The following SH2D3C variants were observed in gnomAD, a reference collection of about 807,000 sequenced individuals.
SH2D3C encodes SH2 domain containing 3C, also known as SH2 domain-containing protein 3C.
SH2D3C carries 25 observed loss-of-function variants against 75.2 expected under a neutral mutation model. The ratio of observed to expected loss-of-function variants is 0.33; its 90% confidence interval spans 0.24 to 0.46. SH2D3C has a LOEUF of 0.46. Ranked by LOEUF, SH2D3C falls within the 20% of genes least tolerant of loss-of-function variation. SH2D3C has a pLI of 1.00. For missense variants in SH2D3C, 933 were observed against 1,165.3 expected, an observed-to-expected ratio of 0.80 and a Z score of 2.90; for synonymous variants, 450 against 473.7, an observed-to-expected ratio of 0.95 and a Z score of 0.65.
At chr9:127,745,208 G>A (rs949467044) in intron 6 of SH2D3C, 109 bp from the exon 7 acceptor site, 2 of 904,532 alleles carry the variant, frequency 2.2e-6, no homozygotes, top group Non-Finnish European at 3.1e-6. Context: ...AGGGAGTACA[G>A]AGGTGATGTC....
At position 127,754,548 on chromosome 9, in the gene SH2D3C, G is replaced by C. The variant is rs1415965638; in HGVS notation, c.556-3248C>G. Among the ~76,000 whole-genome samples, 1 of 152,182 alleles carries C rather than the reference G, an allele frequency of 6.6e-6. No homozygotes were observed. The highest frequency in any genetic ancestry group is 1.5e-5 in the Non-Finnish European group (1 of 68,008). On this transcript the variant is annotated intron_variant, in intron 3 of 11. Transcript: ENST00000314830. This position sits in a 1 kb window ranked among gnomAD's most constrained non-coding sequence, Gnocchi z 4.4. Reference sequence around the variant, plus strand: ...CGTCCTGCACTGCCCGGCCAGCTGGGCTGGGAGAGACCCGCGCCCCAGGCA... The same window carrying C: ...CGTCCTGCACTGCCCGGCCAGCTGGCCTGGGAGAGACCCGCGCCCCAGGCA...
intron 2 of SH2D3C, among the ~76,000 whole-genome samples, chr9:127,773,217 T>G (rs1180522258): frequency 1.3e-5 from 2 of 152,186 alleles, no homozygotes; most frequent in East Asian, 3.8e-4. Context: ...ATTTGTATTT[T>G]TACATGAACT....
In SH2D3C at chr9:127,741,872, G is replaced by A. The variant is rs373949529; in HGVS notation, c.2004C>T (p.Thr668=). ...CCCGCAGCTCGGCCGCCAGCTGAAT[G>A]GTCTTGTGCAGCAGCGCTGCCCGCT... ...AEERAALLHK[T]IQLAAELRGT... Residue 668 remains threonine (T), a synonymous_variant, in exon 9 of 12, where the codon ACC becomes ACT. Transcript: ENST00000314830. The A allele has an allele frequency of 1.2e-6, 2 of 1,613,316 alleles. No individual in the cohort carries two copies. The highest frequency in any genetic ancestry group is 1.7e-6 in the Non-Finnish European group (2 of 1,180,016).
At chr9:127,771,408 T>C in intron 2 of SH2D3C, 1 of 1,295,632 alleles carries the variant, frequency 7.7e-7, no homozygotes, top group Non-Finnish European at 9.8e-7. Flanking sequence ...CACCGCCTAC[T>C]CCACCGGCAG....
In SH2D3C at chr9:127,751,343, CCTT is replaced by C. The variant is rs745342610; in HGVS notation, c.556-46_556-44del. On this transcript the variant is annotated intron_variant, in intron 3 of 11. Transcript: ENST00000314830. This position sits in a 1 kb window ranked among gnomAD's most constrained non-coding sequence, Gnocchi z 4.1. Reference sequence around the variant, plus strand: ...AGAGTTGGCATCCAACTTAAAGTCTCCTTCTTCTTTCCCTCCCAACTTCATTCT... The same window carrying C: ...AGAGTTGGCATCCAACTTAAAGTCTCCTTCTTTCCCTCCCAACTTCATTCT... 1.4e-5 allele frequency: 23 copies of C among 1,601,396 alleles called. No individual in the cohort carries two copies. Among genetic ancestry groups the C allele is most frequent in the South Asian group, 3.3e-5 (3 of 90,738 alleles).
At chr9:127,756,241 G>A (rs1269678933) in intron 3 of SH2D3C, among the ~76,000 whole-genome samples, 1 of 152,210 alleles carries the variant, frequency 6.6e-6, no homozygotes, top group Admixed American at 6.5e-5. Flanking sequence ...GGCGGAGGTT[G>A]CAGTGAGCCA....
intron 3 of SH2D3C, among the ~76,000 whole-genome samples, chr9:127,753,261 T>G (rs1588505598): frequency 2.0e-5 from 3 of 147,550 alleles, no homozygotes; most frequent in African/African-American, 7.5e-5. Context: ...GCAGAAGGAG[T>G]GGGGGAAAGG....
chr9:127,760,231 G>A lies in SH2D3C; in HGVS notation c.555+1380C>T, dbSNP rs189434846. 1.6e-3 allele frequency among the ~76,000 whole-genome samples: 242 copies of A among 152,238 alleles called. 1 individual carries two copies. Among genetic ancestry groups the A allele is most frequent in the African/African-American group, 4.5e-3 (187 of 41,554 alleles). On this transcript the variant is annotated intron_variant, in intron 3 of 11. Transcript: ENST00000314830. ...TTCTTCCATGGGTCCCACATGGACC[G>A]GGAGCCCTTTGAATTCAGGGCCTGG... is the stretch of plus-strand genomic sequence containing the variant.
At position 127,772,562 on chromosome 9, in the gene SH2D3C, C is replaced by CTGACTT. The variant is rs1378579061; in HGVS notation, c.515+1422_515+1427dup. Among the ~76,000 whole-genome samples, 6 of 151,698 alleles carry CTGACTT rather than the reference C, an allele frequency of 4.0e-5. No individual in the cohort carries two copies. In the East Asian group the frequency reaches 1.2e-3, roughly 30 times the overall value. On this transcript the variant is annotated intron_variant, in intron 2 of 11. Transcript: ENST00000314830. ...GGCGTGAGCCACTGCGCCCGGCCAG[C>CTGACTT]TGACTTTTTTTCTTTATTTCAACAG...
chr9:127,772,173 C>T (rs560698953), intron 2 of SH2D3C, among the ~76,000 whole-genome samples: 1 of 150,808 alleles, frequency 6.6e-6, no homozygotes, highest in African/African-American at 2.4e-5. Context: ...AAGAAAGTTA[C>T]CAGAAAAAAA....
rs1187355255 is a variant in SH2D3C, at chr9:127,754,572, C to A, written c.556-3272G>T. Among the ~76,000 whole-genome samples the A allele has an allele frequency of 5.9e-5, 9 of 152,168 alleles. No individual in the cohort carries two copies. Among genetic ancestry groups the A allele is most frequent in the African/African-American group, 9.7e-5 (4 of 41,450 alleles). On this transcript the variant is annotated intron_variant, in intron 3 of 11. Transcript: ENST00000314830. This position sits in a 1 kb window ranked among gnomAD's most constrained non-coding sequence, Gnocchi z 4.4. ...GGCTGGGAGAGACCCGCGCCCCAGG[C>A]ATGTCCAAGCCCACCTAGAGGGCGG...
chr9:127,776,947 A>G (rs1829018871), intron 1 of SH2D3C, among the ~76,000 whole-genome samples: 1 of 152,154 alleles, frequency 6.6e-6, no homozygotes, highest in Admixed American at 6.5e-5. Flanking sequence ...AGGACCCCCA[A>G]CTGCCTTCTT....
chr9:127,753,865 G>C (rs1845274762), intron 3 of SH2D3C, among the ~76,000 whole-genome samples: 1 of 152,234 alleles, frequency 6.6e-6, no homozygotes, highest in African/African-American at 2.4e-5. Flanking sequence ...GGAGGAGGCT[G>C]GATGTTGAAG....
At chr9:127,766,990 T>C (rs1470976288) in intron 2 of SH2D3C, 2 of 1,536,014 alleles carry the variant, frequency 1.3e-6, no homozygotes, top group Admixed American at 2.0e-5. Flanking sequence ...GAAAGCCCCG[T>C]CTCTGCCAGG....
chr9:127,757,639 G>GATT lies in SH2D3C; in HGVS notation c.555+3971_555+3972insAAT, dbSNP rs1491164746. Among the ~76,000 whole-genome samples, 494 of 115,272 alleles carry GATT rather than the reference G, an allele frequency of 4.3e-3. 2 individuals carry two copies. Among genetic ancestry groups the GATT allele is most frequent in the Middle Eastern group, 8.4e-3 (2 of 238 alleles). The allele number at this position is 115,272 out of a possible 152,430, so 75.6% of individuals were successfully genotyped here. ...TGATGATGATGATGATGATGATGAT[G>GATT]ATGATGATTATTATTATTATTATTA... is the stretch of plus-strand genomic sequence containing the variant. On this transcript the variant is annotated intron_variant, in intron 3 of 11. Coordinates refer to ENST00000314830, the MANE Select transcript of SH2D3C (RefSeq NM_170600.3).
Position 127,749,595 on chromosome 9 carries a change from T to C in SH2D3C, c.755A>G (p.Tyr252Cys). 6.2e-7 allele frequency: 1 copy of C among 1,603,104 alleles called. No individual in the cohort carries two copies. The highest frequency in any genetic ancestry group is 8.5e-7 in the Non-Finnish European group (1 of 1,175,056). Residue 252 changes from tyrosine to cysteine, a missense_variant, in exon 5 of 12, where the codon TAT becomes TGT. By Grantham distance (194) the Tyr-to-Cys change is radical. Coordinates refer to ENST00000314830, the MANE Select transcript of SH2D3C (RefSeq NM_170600.3). This position sits in a 1 kb window ranked among gnomAD's most constrained non-coding sequence, Gnocchi z 5.9. ...IRDSLTSLGD[Y>C]VLTCRWRNQA... ...GTTGCGCCAGCGGCACGTGAGCACA[T>C]AGTCGCCCAGGCTGGTGAGTGAGTC...
chr9:127,745,190 C>T (rs1178279604), intron 6 of SH2D3C, 91 bp from the exon 7 acceptor site: 7 of 1,110,910 alleles, frequency 6.3e-6, no homozygotes, highest in Non-Finnish European at 8.6e-6. Context: ...GGCTCCCTCA[C>T]TCCTTGTAGG....
Position 127,739,055 on chromosome 9 carries a change from G to C in SH2D3C, c.2408-134C>G. On this transcript the variant is annotated intron_variant, in intron 11 of 11. Transcript: ENST00000314830. This position sits in a 1 kb window ranked among gnomAD's most constrained non-coding sequence, Gnocchi z 4.3. ...TCCAACAAGGTTTGTGAATCAACAC[G>C]ACCCTGTAGTTTAGCATCTTTGTCC... 1 of 660,052 alleles carries C rather than the reference G, an allele frequency of 1.5e-6. No homozygotes were observed. Among genetic ancestry groups the C allele is most frequent in the Non-Finnish European group, 2.4e-6 (1 of 424,060 alleles). The allele number at this position is 660,052 out of a possible 1,614,324, so 40.9% of individuals were successfully genotyped here.
At chr9:127,773,874 C>T (rs1375667174) in intron 2 of SH2D3C, 116 bp downstream of exon 2, 2 of 647,700 alleles carry the variant, frequency 3.1e-6, no homozygotes, top group African/African-American at 3.7e-5. Flanking sequence ...ACCGGGATCA[C>T]ACCACTGCAC....
Sources: gnomAD v4.1 joint callset for allele counts (sites outside exome capture counted in the v4.1 genomes callset) on GRCh38, gnomAD v4.1.1 for gene constraint, Gnocchi (gnomAD v3.1) non-coding constraint, MANE v1.5 for transcripts, NCBI Gene and HGNC (gene_info 2026-07-23, HGNC 2026-07-21) for gene names.